The following RNF150 variants were observed in gnomAD, a reference collection of about 807,000 sequenced individuals.
RNF150 encodes the protein ring finger protein 150.
RNF150 carries 24 observed loss-of-function variants against 39.3 expected under a neutral mutation model. The observed-to-expected ratio is 0.61, with a 90% CI of 0.44 to 0.86. The LOEUF (loss-of-function observed/expected upper bound fraction) is 0.86, where lower values mean the gene tolerates loss of function less well. Ranked by LOEUF, RNF150 falls within the 40% of genes least tolerant of loss-of-function variation. The pLI, the probability that RNF150 is intolerant of heterozygous loss-of-function variation, is 0.00. For missense variants in RNF150, 502 were observed against 587.8 expected, an observed-to-expected ratio of 0.85 and a Z score of 1.51; for synonymous variants, 255 against 227.3, an observed-to-expected ratio of 1.12 and a Z score of -1.10.
At chr4:141,160,003 A>G (rs1307186209) in intron 1 of RNF150, among the ~76,000 whole-genome samples, 1 of 152,094 alleles carries the variant, frequency 6.6e-6, no homozygotes, top group African/African-American at 2.4e-5. Flanking sequence ...AAGGTTCTAC[A>G]GCTGTGATTC....
chr4:140,910,677 T>C (rs1158200805), intron 6 of RNF150, among the ~76,000 whole-genome samples: 2 of 151,084 alleles, frequency 1.3e-5, no homozygotes, highest in African/African-American at 4.9e-5. Context: ...GACTAGTTCA[T>C]ACAGTCACAC....
intron 1 of RNF150, among the ~76,000 whole-genome samples, chr4:141,058,306 G>C (rs1300464693): frequency 1.3e-5 from 2 of 151,942 alleles, no homozygotes; most frequent in East Asian, 3.9e-4. Context: ...GAGTGGGGAG[G>C]GTGAAGAAGA....
chr4:141,204,000 CTG>C (rs1728335972), intron 1 of RNF150, among the ~76,000 whole-genome samples: 1 of 152,096 alleles, frequency 6.6e-6, no homozygotes, highest in African/African-American at 2.4e-5. Flanking sequence ...CAGGGTAACA[CTG>C]TGTAAAATGC....
intron 5 of RNF150, 81 bp downstream of exon 5, chr4:140,925,896 C>T: frequency 1.0e-6 from 1 of 957,536 alleles, no homozygotes; most frequent in Non-Finnish European, 1.7e-6. Context: ...CACAGAACAT[C>T]CAAGTATAAT....
intron 1 of RNF150, among the ~76,000 whole-genome samples, chr4:141,106,391 C>CA (rs1382282957): frequency 1.3e-5 from 2 of 152,172 alleles, no homozygotes; most frequent in African/African-American, 4.8e-5. Context: ...GTGAAAAACA[C>CA]TTTTGAATTA....
At chr4:140,915,116 C>G (rs1007361342) in intron 5 of RNF150, among the ~76,000 whole-genome samples, 1 of 152,100 alleles carries the variant, frequency 6.6e-6, no homozygotes, top group Non-Finnish European at 1.5e-5. Flanking sequence ...CTCTGAAGGG[C>G]TGTAATTCCA....
chr4:141,203,102 T>C (rs999012266), intron 1 of RNF150, among the ~76,000 whole-genome samples: 4 of 146,224 alleles, frequency 2.7e-5, no homozygotes, highest in African/African-American at 1.0e-4. Context: ...ATATATAATC[T>C]TGGAGACGAT....
Position 141,076,062 on chromosome 4 carries a change from T to C in RNF150, c.484+56263A>G, listed in dbSNP as rs551306678. Among the ~76,000 whole-genome samples, 6 of 152,334 alleles carry C rather than the reference T, an allele frequency of 3.9e-5. No homozygotes were observed. In the South Asian group the frequency reaches 1.2e-3, roughly 32 times the overall value. On this transcript the variant is annotated intron_variant, in intron 1 of 6. Coordinates refer to ENST00000515673, the MANE Select transcript of RNF150 (RefSeq NM_020724.2). Reference sequence around the variant, plus strand: ...TCAATAAAAATGTATAGGGACATAATATACATTAAAACATTACATATCTTT... The same window carrying C: ...TCAATAAAAATGTATAGGGACATAACATACATTAAAACATTACATATCTTT...
At chr4:141,013,604 C>G (rs1183932402) in intron 1 of RNF150, among the ~76,000 whole-genome samples, 2 of 152,180 alleles carry the variant, frequency 1.3e-5, no homozygotes, top group Non-Finnish European at 2.9e-5. Context: ...TCACTCCAGT[C>G]TCTGAGGAAG....
intron 1 of RNF150, among the ~76,000 whole-genome samples, chr4:141,156,289 A>G (rs1443503234): frequency 6.6e-6 from 1 of 152,012 alleles, no homozygotes; most frequent in Non-Finnish European, 1.5e-5. Flanking sequence ...ATATTTATTT[A>G]TTTATTTCTG....
At chr4:140,889,380 T>A (rs904237320) in intron 6 of RNF150, among the ~76,000 whole-genome samples, 4 of 152,228 alleles carry the variant, frequency 2.6e-5, no homozygotes, top group African/African-American at 9.7e-5. Flanking sequence ...TTTGTTGAAT[T>A]CTGGAGTTGG....
At chr4:140,942,081 C>T (rs1228318733) in intron 4 of RNF150, among the ~76,000 whole-genome samples, 1 of 152,152 alleles carries the variant, frequency 6.6e-6, no homozygotes, top group Admixed American at 6.5e-5. Context: ...GATGGTTTCA[C>T]AGCAAGGCAA....
At chr4:141,053,222 C>T (rs1736845709) in intron 1 of RNF150, among the ~76,000 whole-genome samples, 1 of 152,114 alleles carries the variant, frequency 6.6e-6, no homozygotes, top group Non-Finnish European at 1.5e-5. Context: ...TTTCCTGATA[C>T]ATACTCGATA....
At chr4:141,076,074 C>T (rs1170998627) in intron 1 of RNF150, among the ~76,000 whole-genome samples, 2 of 152,096 alleles carry the variant, frequency 1.3e-5, no homozygotes, top group Non-Finnish European at 1.5e-5. Context: ...TACATTAAAA[C>T]ATTACATATC....
At chr4:141,183,557 T>C (rs1485414399) in intron 1 of RNF150, among the ~76,000 whole-genome samples, 1 of 152,164 alleles carries the variant, frequency 6.6e-6, no homozygotes, top group African/African-American at 2.4e-5. Flanking sequence ...TTCATTATAC[T>C]TTAAGTTCCA....
intron 1 of RNF150, among the ~76,000 whole-genome samples, chr4:141,118,795 C>G (rs1032909363): frequency 1.2e-4 from 18 of 152,146 alleles, no homozygotes; most frequent in Admixed American, 9.8e-4. Context: ...GAGTCTCACT[C>G]TGTCGCCCAG....
chr4:140,860,130 C>G lies in RNF150; in HGVS notation c.*8131G>C, dbSNP rs1012570791. On this transcript the variant is annotated 3_prime_UTR_variant, in exon 7 of 7. Coordinates refer to ENST00000515673, the MANE Select transcript of RNF150 (RefSeq NM_020724.2). ...AATAGAAGACAAATTCCTTTAAAGACAGTTACTTTTTTTTTTTTTTCAATT... is the reference window on the plus strand; with the variant it reads ...AATAGAAGACAAATTCCTTTAAAGAGAGTTACTTTTTTTTTTTTTTCAATT... 2 of 143,984 alleles carry G rather than the reference C, an allele frequency of 1.4e-5. No individual in the cohort carries two copies. Among genetic ancestry groups the G allele is most frequent in the Admixed American group, 1.4e-4 (2 of 14,532 alleles). The allele number at this position is 143,984 out of a possible 1,614,324, so 8.9% of individuals were successfully genotyped here.
intron 6 of RNF150, among the ~76,000 whole-genome samples, chr4:140,886,950 A>G (rs1729598276): frequency 6.6e-6 from 1 of 152,176 alleles, no homozygotes; most frequent in South Asian, 2.1e-4. Context: ...ATAGAGATCT[A>G]TGACTCATTT....
intron 1 of RNF150, among the ~76,000 whole-genome samples, chr4:140,970,772 T>C (rs1733434218): frequency 6.6e-6 from 1 of 152,222 alleles, no homozygotes; most frequent in South Asian, 2.1e-4. Context: ...TCATGACATA[T>C]AATATCCACT....
Sources: gnomAD v4.1 joint callset for allele counts (sites outside exome capture counted in the v4.1 genomes callset) on GRCh38, gnomAD v4.1.1 for gene constraint, MANE v1.5 for transcripts, NCBI Gene and HGNC (gene_info 2026-07-23, HGNC 2026-07-21) for gene names.